The following FNDC3B variants were observed in gnomAD, a reference collection of about 807,000 sequenced individuals.
FNDC3B encodes fibronectin type III domain-containing protein 3B.
A neutral mutation model predicts 151.5 loss-of-function variants in FNDC3B; 12 were observed. That is an observed-to-expected ratio of 0.08 (90% CI 0.05 to 0.13). The LOEUF (loss-of-function observed/expected upper bound fraction) is 0.13, where lower values mean the gene tolerates loss of function less well. FNDC3B is among the 10% of genes least tolerant of loss of function. The pLI is 1.00. For missense variants in FNDC3B, 1,214 were observed against 1,505.3 expected (o/e 0.81, Z 3.20); for synonymous variants, 528 against 549.0 (o/e 0.96, Z 0.54).
At chr3:172,212,345 C>G (rs1725772327) in intron 3 of FNDC3B, among the ~76,000 whole-genome samples, 2 of 152,144 alleles carry the variant, frequency 1.3e-5, no homozygotes, top group Non-Finnish European at 2.9e-5. Context: ...CTTCAAGGAT[C>G]TTGAATGAGC....
At chr3:172,179,854 T>A in intron 3 of FNDC3B, among the ~76,000 whole-genome samples, 1 of 80,162 alleles carries the variant, frequency 1.2e-5, no homozygotes, top group South Asian at 5.3e-4. Context: ...TGAGGCCCTG[T>A]CTCCAAAAAA....
At chr3:172,362,426 C>G (rs1488289891) in intron 22 of FNDC3B, among the ~76,000 whole-genome samples, 1 of 121,684 alleles carries the variant, frequency 8.2e-6, no homozygotes, top group Non-Finnish European at 1.8e-5. Flanking sequence ...TGCTTTTTTG[C>G]TATTTTTTTT....
intron 3 of FNDC3B, among the ~76,000 whole-genome samples, chr3:172,165,307 G>A (rs1399630972): frequency 6.6e-6 from 1 of 152,174 alleles, no homozygotes; most frequent in Non-Finnish European, 1.5e-5. Context: ...ACCACATCTA[G>A]CCAGGAATAT....
At chr3:172,141,845 C>T (rs1055059629) in intron 3 of FNDC3B, among the ~76,000 whole-genome samples, 2 of 149,714 alleles carry the variant, frequency 1.3e-5, no homozygotes, top group African/African-American at 2.5e-5. Flanking sequence ...AGTGAGACTG[C>T]GTCTCAAAAA....
chr3:172,307,105 C>G (rs1017987329), intron 9 of FNDC3B: 13 of 372,052 alleles, frequency 3.5e-5, no homozygotes, highest in African/African-American at 2.7e-4. Context: ...TTAGAATAAT[C>G]TCTTCTAGTC....
intron 3 of FNDC3B, among the ~76,000 whole-genome samples, chr3:172,201,569 C>T (rs1725155700): frequency 6.6e-6 from 1 of 152,114 alleles, no homozygotes; most frequent in African/African-American, 2.4e-5. Flanking sequence ...TTTTATTTCC[C>T]TGTGGTTGTC....
At chr3:172,195,367 T>C (rs908898128) in intron 3 of FNDC3B, among the ~76,000 whole-genome samples, 1 of 152,374 alleles carries the variant, frequency 6.6e-6, no homozygotes, top group Non-Finnish European at 1.5e-5. Context: ...ATTGAACATT[T>C]TATTTTAAAC....
chr3:172,071,557 T>C (rs1166728280), intron 1 of FNDC3B, among the ~76,000 whole-genome samples: 1 of 152,214 alleles, frequency 6.6e-6, no homozygotes, highest in Non-Finnish European at 1.5e-5. Flanking sequence ...TTGTTAAAAA[T>C]AGTGAAATAA....
Position 172,192,297 on chromosome 3 carries a change from T to C in FNDC3B, c.188-34574T>C, listed in dbSNP as rs992430401. Among the ~76,000 whole-genome samples, 6 of 151,548 alleles carry C rather than the reference T, an allele frequency of 4.0e-5. No homozygotes were observed. The East Asian group carries it at 9.7e-4, about 24-fold the overall frequency. On this transcript the variant is annotated intron_variant, in intron 3 of 25. Transcript: ENST00000415807. ...AAGCGATTCTCCTGCCTCAGCCTCC[T>C]GAGTAGCTGGGACCACAGGCATGTG...
intron 25 of FNDC3B, among the ~76,000 whole-genome samples, chr3:172,383,937 G>C (rs992432617): frequency 2.0e-5 from 3 of 151,968 alleles, no homozygotes; most frequent in Non-Finnish European, 4.4e-5. Context: ...ACTTTTAATA[G>C]GAGCGTTCAT....
rs144801060 is a variant in FNDC3B at position 172,122,192 on chromosome 3, G to A, written c.111+9602G>A. ...ACATATGACTATATAAAATATATGC[G>A]TTACACTCCAAACATGACAGTAGTA... On this transcript the variant is annotated intron_variant, in intron 2 of 25. Transcript: ENST00000415807. 8.1e-4 allele frequency among the ~76,000 whole-genome samples: 124 copies of A among 152,160 alleles called. 1 individual carries two copies. The South Asian group carries it at 0.023, about 28-fold the overall frequency.
intron 3 of FNDC3B, among the ~76,000 whole-genome samples, chr3:172,135,609 GC>G (rs1721319752): frequency 1.3e-5 from 2 of 152,060 alleles, no homozygotes. Flanking sequence ...GTGGTACCTG[GC>G]CCAATTAACT....
At chr3:172,229,615 A>G (rs1178994482) in intron 4 of FNDC3B, among the ~76,000 whole-genome samples, 2 of 152,212 alleles carry the variant, frequency 1.3e-5, no homozygotes, top group Non-Finnish European at 2.9e-5. Flanking sequence ...ATGTGTATTT[A>G]TAGTCATCAC....
At chr3:172,366,185 A>G (rs1048732200) in intron 23 of FNDC3B, among the ~76,000 whole-genome samples, 1 of 152,238 alleles carries the variant, frequency 6.6e-6, no homozygotes, top group African/African-American at 2.4e-5. Context: ...GCACTGATTT[A>G]TGATGTTTAT....
intron 7 of FNDC3B, among the ~76,000 whole-genome samples, chr3:172,294,086 G>A (rs1014534764): frequency 2.1e-4 from 32 of 152,304 alleles, no homozygotes; most frequent in African/African-American, 7.5e-4. Context: ...CAGCGTTAAA[G>A]TTTTGTCCTT....
intron 25 of FNDC3B, 33 bp downstream of exon 25, chr3:172,381,126 T>G (rs1735414968): frequency 6.2e-7 from 1 of 1,610,480 alleles, no homozygotes; most frequent in Non-Finnish European, 8.5e-7. Flanking sequence ...CATGTGCAAC[T>G]GAGTATGGCT....
At chr3:172,116,196 A>G (rs1720236957) in intron 2 of FNDC3B, among the ~76,000 whole-genome samples, 1 of 152,236 alleles carries the variant, frequency 6.6e-6, no homozygotes, top group Admixed American at 6.5e-5. Flanking sequence ...ATTATCAACT[A>G]AAAATAAATA....
intron 2 of FNDC3B, among the ~76,000 whole-genome samples, chr3:172,113,923 T>C (rs904002043): frequency 2.6e-5 from 4 of 152,174 alleles, no homozygotes; most frequent in Non-Finnish European, 4.4e-5. Flanking sequence ...GCTGAATCCA[T>C]ACTCTGCCGT....
chr3:172,200,765 G>A (rs1225141976), intron 3 of FNDC3B, among the ~76,000 whole-genome samples: 7 of 152,256 alleles, frequency 4.6e-5, no homozygotes, highest in South Asian at 2.1e-4. Context: ...CATTTGAGCC[G>A]TAGTTTAAAC....
Sources: allele counts gnomAD v4.1 joint callset (sites outside exome capture counted in the v4.1 genomes callset), GRCh38; gene constraint gnomAD v4.1.1; transcripts MANE v1.5; gene names NCBI Gene and HGNC (gene_info 2026-07-23, HGNC 2026-07-21).